MAGI1: variants seen among roughly 807,000 people sequenced by gnomAD.
MAGI1 encodes membrane associated guanylate kinase, WW and PDZ domain containing 1.
A neutral mutation model predicts 139.9 loss-of-function variants in MAGI1; 58 were observed. The observed-to-expected ratio is 0.41, with a 90% CI of 0.34 to 0.52. The LOEUF is 0.52. Among genes scored for constraint, MAGI1 ranks in the 20% least tolerant of loss-of-function variants. The pLI is 0.12. For missense variants in MAGI1, 1,874 were observed against 1,901.6 expected (o/e 0.99, Z 0.27); for synonymous variants, 812 against 737.9 (o/e 1.10, Z -1.63).
At chr3:65,543,367 G>A (rs1174986797) in intron 2 of MAGI1, among the ~76,000 whole-genome samples, 1 of 152,132 alleles carries the variant, frequency 6.6e-6, no homozygotes, top group Non-Finnish European at 1.5e-5. Flanking sequence ...TCTAGAGCCA[G>A]AAATACCACT....
intron 1 of MAGI1, among the ~76,000 whole-genome samples, chr3:66,027,276 A>AT (rs2068331676): frequency 3.4e-5 from 1 of 29,110 alleles, no homozygotes; most frequent in South Asian, 8.4e-4. Context: ...AAATAAATAA[A>AT]TAAATAAATA....
At chr3:65,993,049 T>C (rs1199064361) in intron 1 of MAGI1, among the ~76,000 whole-genome samples, 1 of 152,026 alleles carries the variant, frequency 6.6e-6, no homozygotes, top group Non-Finnish European at 1.5e-5. Flanking sequence ...CAGGGTGGTC[T>C]AGAACTCCTG....
At chr3:65,686,455 C>G (rs998945225) in intron 1 of MAGI1, among the ~76,000 whole-genome samples, 2 of 152,220 alleles carry the variant, frequency 1.3e-5, no homozygotes, top group East Asian at 1.9e-4. Flanking sequence ...CCAAGCCCAG[C>G]TAATTTTTTT....
chr3:65,534,661 A>G (rs940207010), intron 2 of MAGI1, among the ~76,000 whole-genome samples: 28 of 152,216 alleles, frequency 1.8e-4, no homozygotes, highest in African/African-American at 6.0e-4. Context: ...AGTGCCTGGC[A>G]TACACATACA....
chr3:65,966,804 G>A (rs182922811), intron 1 of MAGI1, among the ~76,000 whole-genome samples: 1 of 152,266 alleles, frequency 6.6e-6, no homozygotes, highest in Admixed American at 6.5e-5. Flanking sequence ...CACAGTACCA[G>A]GCACACAGTT....
At chr3:65,765,402 C>T (rs1197756325) in intron 1 of MAGI1, among the ~76,000 whole-genome samples, 1 of 152,146 alleles carries the variant, frequency 6.6e-6, no homozygotes, top group Non-Finnish European at 1.5e-5. Context: ...AACCAATGTT[C>T]CACTGCTTAT....
rs146114678 is a variant in MAGI1, at chr3:65,583,085, A to T, written c.430+38887T>A. 7.3e-4 allele frequency among the ~76,000 whole-genome samples: 111 copies of T among 152,318 alleles called. 2 individuals are homozygous for T. Among genetic ancestry groups the T allele is most frequent in the African/African-American group, 2.5e-3 (105 of 41,576 alleles). ...TGAAATCAATAAAAAATTATTAATG[A>T]GATATTTTGCCTTTTATCTCTCATA... is the stretch of plus-strand genomic sequence containing the variant. On this transcript the variant is annotated intron_variant, in intron 2 of 22. Transcript: ENST00000402939.
chr3:65,925,218 T>C (rs1041128699), intron 1 of MAGI1: 6 of 152,236 alleles, frequency 3.9e-5, no homozygotes, highest in African/African-American at 1.4e-4. Flanking sequence ...CACCTTTAGA[T>C]TTCCACTTCT....
intron 1 of MAGI1, among the ~76,000 whole-genome samples, chr3:65,700,715 T>C (rs1466464337): frequency 6.6e-6 from 1 of 152,208 alleles, no homozygotes; most frequent in Admixed American, 6.5e-5. Flanking sequence ...AAAAAATGAC[T>C]GTAACACGTC....
At chr3:65,815,147 G>T (rs1160495750) in intron 1 of MAGI1, among the ~76,000 whole-genome samples, 1 of 152,190 alleles carries the variant, frequency 6.6e-6, no homozygotes, top group Non-Finnish European at 1.5e-5. Context: ...GTGCTGCTGA[G>T]CTAGTGGAAA....
rs942522425 is a variant in MAGI1 at position 65,688,587 on chromosome 3, G to A, written c.314-66499C>T. 3 of 306,766 alleles carry A rather than the reference G, an allele frequency of 9.8e-6. No homozygotes were observed. In the Admixed American group the frequency reaches 1.1e-4, roughly 11 times the overall value. The allele number at this position is 306,766 out of a possible 1,614,324, so 19.0% of individuals were successfully genotyped here. ...ACATTTCCGTGGGGTAGGGAAGATA[G>A]CAGGAAGGGAAATAAACTCTACAGA... On this transcript the variant is annotated intron_variant, in intron 1 of 22. Transcript: ENST00000402939.
At chr3:65,997,396 C>T (rs2066504965) in intron 1 of MAGI1, among the ~76,000 whole-genome samples, 1 of 152,188 alleles carries the variant, frequency 6.6e-6, no homozygotes, top group Non-Finnish European at 1.5e-5. Context: ...GTGGCTCACG[C>T]CTGTAATCCC....
chr3:65,507,283 A>G (rs2077332346), intron 2 of MAGI1, among the ~76,000 whole-genome samples: 1 of 152,204 alleles, frequency 6.6e-6, no homozygotes, highest in African/African-American at 2.4e-5. Context: ...TTGTTAACAC[A>G]TGCTTTTTTC....
At chr3:65,852,419 C>T (rs764158581) in intron 1 of MAGI1, among the ~76,000 whole-genome samples, 1 of 152,052 alleles carries the variant, frequency 6.6e-6, no homozygotes, top group Non-Finnish European at 1.5e-5. Context: ...AAAACTCTAC[C>T]CAGTAGGTAA....
chr3:65,802,848 CTGTGTGTGTGTGTGTG>C (rs55814110), intron 1 of MAGI1, among the ~76,000 whole-genome samples: 3 of 138,220 alleles, frequency 2.2e-5, no homozygotes, highest in African/African-American at 5.4e-5. Context: ...ATCATCTCAT[CTGTGTGTGTGTGTGTG>C]TGTGTGTGTG....
At chr3:65,681,086 T>G (rs1345753509) in intron 1 of MAGI1, among the ~76,000 whole-genome samples, 2 of 152,222 alleles carry the variant, frequency 1.3e-5, no homozygotes, top group African/African-American at 4.8e-5. Flanking sequence ...CCTACATTCT[T>G]GTATTTTGAT....
chr3:65,893,666 TAGA>T (rs2060856219), intron 1 of MAGI1: 3 of 152,318 alleles, frequency 2.0e-5, no homozygotes, highest in Non-Finnish European at 2.9e-5. Flanking sequence ...TATGCAAAAT[TAGA>T]AGAAGAACTA....
chr3:65,418,458 G>A (rs147773837), intron 12 of MAGI1, among the ~76,000 whole-genome samples: 5 of 152,238 alleles, frequency 3.3e-5, no homozygotes, highest in African/African-American at 1.2e-4. Context: ...TTTGCTTTTA[G>A]AGGGAAAAAG....
intron 12 of MAGI1, among the ~76,000 whole-genome samples, chr3:65,427,183 G>T (rs964288105): frequency 6.6e-6 from 1 of 152,070 alleles, no homozygotes; most frequent in African/African-American, 2.4e-5. Flanking sequence ...GTGGTGGCAT[G>T]CACCTATAGT....
Sources: gnomAD v4.1 joint callset for allele counts (sites outside exome capture counted in the v4.1 genomes callset) on GRCh38, gnomAD v4.1.1 for gene constraint, MANE v1.5 for transcripts, NCBI Gene and HGNC (gene_info 2026-07-23, HGNC 2026-07-21) for gene names.